Variants in SLC14A2 observed in about 807,000 individuals in gnomAD.
SLC14A2 encodes the protein urea transporter 2.
Under a neutral mutation model 104.6 loss-of-function variants are expected in SLC14A2, and 91 were observed. The ratio of observed to expected loss-of-function variants is 0.87; its 90% CI spans 0.73 to 1.04. The LOEUF (loss-of-function observed/expected upper bound fraction) is 1.04. SLC14A2 is among the 50% of genes least tolerant of loss of function. SLC14A2 has a pLI of 0.00. For missense variants in SLC14A2, 1,189 were observed against 1,156.0 expected (o/e 1.03, Z -0.41); for synonymous variants, 476 against 466.4 (o/e 1.02, Z -0.27).
chr18:45,262,420 A>G (rs905119681), intron 1 of SLC14A2, among the ~76,000 whole-genome samples: 5 of 152,128 alleles, frequency 3.3e-5, no homozygotes, highest in South Asian at 2.1e-4. Context: ...TAGCCAGGCA[A>G]TCACACCGCA....
chr18:45,375,699 C>T (rs892730755), intron 1 of SLC14A2, among the ~76,000 whole-genome samples: 4 of 152,232 alleles, frequency 2.6e-5, no homozygotes, highest in African/African-American at 9.6e-5. Context: ...ACCCATTGGA[C>T]AGTTACAATG....
At chr18:45,568,073 C>T (rs906289434) in intron 2 of SLC14A2, among the ~76,000 whole-genome samples, 2 of 152,174 alleles carry the variant, frequency 1.3e-5, no homozygotes, top group Admixed American at 6.5e-5. Flanking sequence ...CATGAAAGTG[C>T]CCAGCTCCCA....
upstream of SLC14A2, among the ~76,000 whole-genome samples, chr18:45,211,585 T>C (rs755414127): frequency 4.6e-4 from 70 of 152,174 alleles, 1 homozygote; most frequent in African/African-American, 1.4e-3. Context: ...CTTTCCTCCT[T>C]CTTACTCTCC....
chr18:45,198,248 C>A, the SLC14A2 span, among the ~76,000 whole-genome samples: 2 of 152,136 alleles, frequency 1.3e-5, no homozygotes, highest in East Asian at 3.9e-4. Context: ...TTCTTTCACC[C>A]CTAATTAATA....
chr18:45,312,060 C>T lies in SLC14A2; in HGVS notation c.-125+98869C>T, dbSNP rs148308086. ...TCCACCATAGTGGGTGACACATGAG[C>T]TCTGGTTCAAATCCTTGCTCCATCC... is the stretch of plus-strand genomic sequence containing the variant. On this transcript the variant is annotated intron_variant, in intron 1 of 20. Transcript: ENST00000586448. Among the ~76,000 whole-genome samples, 498 of 152,318 alleles carry T rather than the reference C, an allele frequency of 3.3e-3. 2 individuals carry two copies. Among genetic ancestry groups the T allele is most frequent in the African/African-American group, 0.011 (472 of 41,570 alleles).
At chr18:45,290,098 T>C (rs909747992) in intron 1 of SLC14A2, among the ~76,000 whole-genome samples, 10 of 147,890 alleles carry the variant, frequency 6.8e-5, no homozygotes, top group Admixed American at 2.0e-4. Context: ...GTTTCAAAGT[T>C]CTTTTGTAAA....
chr18:45,292,989 C>A (rs927882199), intron 1 of SLC14A2, among the ~76,000 whole-genome samples: 1 of 151,756 alleles, frequency 6.6e-6, no homozygotes, highest in Non-Finnish European at 1.5e-5. Context: ...TTGACACCGC[C>A]CCTGCCCCCC....
chr18:45,320,736 C>G (rs1465546357), intron 1 of SLC14A2, among the ~76,000 whole-genome samples: 1 of 152,124 alleles, frequency 6.6e-6, no homozygotes, highest in Non-Finnish European at 1.5e-5. Flanking sequence ...GAAAAGACAG[C>G]TATTTTATTA....
intron 10 of SLC14A2, among the ~76,000 whole-genome samples, chr18:45,657,824 G>A (rs1040777557): frequency 4.6e-5 from 7 of 152,314 alleles, no homozygotes; most frequent in African/African-American, 1.7e-4. Flanking sequence ...GCCTTAGAGA[G>A]TTTAGAGAAT....
intron 1 of SLC14A2, among the ~76,000 whole-genome samples, chr18:45,262,676 G>A (rs912360095): frequency 3.3e-5 from 5 of 152,128 alleles, no homozygotes; most frequent in African/African-American, 4.8e-5. Flanking sequence ...CACCCTGGAT[G>A]GGGGAGCCAC....
intron 1 of SLC14A2, among the ~76,000 whole-genome samples, chr18:45,478,758 T>C (rs1381976635): frequency 6.6e-6 from 1 of 152,144 alleles, no homozygotes; most frequent in Non-Finnish European, 1.5e-5. Flanking sequence ...ACAAGTTAAT[T>C]TAGCCTTTAC....
At chr18:45,199,082 A>T in the SLC14A2 span, among the ~76,000 whole-genome samples, 1 of 152,150 alleles carries the variant, frequency 6.6e-6, no homozygotes, top group East Asian at 1.9e-4. Context: ...TTACTCTTGA[A>T]GGCATAAAAT....
chr18:45,617,372 C>T (rs2045090088), intron 1 of SLC14A2, among the ~76,000 whole-genome samples: 1 of 152,198 alleles, frequency 6.6e-6, no homozygotes, highest in East Asian at 1.9e-4. Context: ...CCAGCCATCT[C>T]TAACCCCAGC....
At chr18:45,449,647 C>T (rs965455112) in intron 1 of SLC14A2, among the ~76,000 whole-genome samples, 2 of 152,146 alleles carry the variant, frequency 1.3e-5, no homozygotes, top group African/African-American at 4.8e-5. Context: ...AGAATCCCAT[C>T]TGAAGGGTGT....
chr18:45,580,444 AGT>A (rs1299070260), intron 2 of SLC14A2, among the ~76,000 whole-genome samples: 3 of 152,180 alleles, frequency 2.0e-5, no homozygotes, highest in African/African-American at 7.2e-5. Context: ...CTTTAGAGAG[AGT>A]GTGGGGAGGA....
chr18:45,432,617 C>G (rs1207958352), intron 1 of SLC14A2, among the ~76,000 whole-genome samples: 1 of 152,112 alleles, frequency 6.6e-6, no homozygotes, highest in East Asian at 1.9e-4. Flanking sequence ...AGCCTCACAC[C>G]CAGCCACTAA....
At chr18:45,641,149 C>T (rs1000035494) in intron 7 of SLC14A2, 60 bp from the exon 8 acceptor site, 15 of 1,587,416 alleles carry the variant, frequency 9.4e-6, no homozygotes, top group Admixed American at 1.7e-5. Context: ...GCACCAGTCC[C>T]AGGGTGGTCT....
the SLC14A2 span, among the ~76,000 whole-genome samples, chr18:45,204,802 C>T: frequency 3.8e-5 from 5 of 129,952 alleles, no homozygotes; most frequent in South Asian, 1.2e-3. Context: ...TTAAACCTAT[C>T]ACTGAGATAA....
At chr18:45,388,129 G>A (rs780211682) in intron 1 of SLC14A2, among the ~76,000 whole-genome samples, 2 of 137,436 alleles carry the variant, frequency 1.5e-5, no homozygotes, top group Non-Finnish European at 3.0e-5. Context: ...AGGCTGGAGT[G>A]CAGTGGCGAG....
Sources: gnomAD v4.1 joint callset for allele counts (sites outside exome capture counted in the v4.1 genomes callset) on GRCh38, gnomAD v4.1.1 for gene constraint, MANE v1.5 for transcripts, NCBI Gene and HGNC (gene_info 2026-07-23, HGNC 2026-07-21) for gene names.